CYP7B1: variants seen among roughly 807,000 people sequenced by gnomAD.
The protein encoded by CYP7B1 is cytochrome P450 family 7 subfamily B member 1.
A neutral mutation model predicts 42.7 loss-of-function variants in CYP7B1; 29 were observed. The ratio of observed to expected loss-of-function variants is 0.68; its 90% CI spans 0.51 to 0.93. The LOEUF is 0.93. Ranked by LOEUF, CYP7B1 falls within the 40% of genes least tolerant of loss-of-function variation. CYP7B1 has a pLI of 0.00. For synonymous variants in CYP7B1, 235 were observed against 218.2 expected (o/e 1.08, Z -0.68); for missense variants, 655 against 600.5 (o/e 1.09, Z -0.95).
chr8:64,798,405 G>C (rs979728859), intron 1 of CYP7B1, 61 bp downstream of exon 1: 31 of 1,441,478 alleles, frequency 2.2e-5, no homozygotes, highest in Admixed American at 3.0e-5. Flanking sequence ...CTCGCCATCT[G>C]GGTCGCGCGC....
chr8:64,765,392 T>A (rs1053673799), intron 1 of CYP7B1, among the ~76,000 whole-genome samples: 1 of 152,160 alleles, frequency 6.6e-6, no homozygotes, highest in East Asian at 1.9e-4. Flanking sequence ...ACACCCTCTA[T>A]GAAATGAATT....
At chr8:64,747,974 T>C (rs1272232049) in intron 1 of CYP7B1, among the ~76,000 whole-genome samples, 2 of 152,120 alleles carry the variant, frequency 1.3e-5, no homozygotes, top group Non-Finnish European at 2.9e-5. Flanking sequence ...CCATGACCCA[T>C]TGCAGCACCT....
chr8:64,722,748 G>T (rs1342548469), intron 1 of CYP7B1, among the ~76,000 whole-genome samples: 1 of 106,970 alleles, frequency 9.3e-6, no homozygotes, highest in Non-Finnish European at 1.9e-5. Flanking sequence ...TGCGGCGGGG[G>T]GGGGGGGGCG....
At chr8:64,631,455 T>G (rs1805694245) in intron 1 of CYP7B1, among the ~76,000 whole-genome samples, 1 of 152,046 alleles carries the variant, frequency 6.6e-6, no homozygotes, top group South Asian at 2.1e-4. Flanking sequence ...GACCCAAAAC[T>G]GTAAAACTCC....
intron 1 of CYP7B1, among the ~76,000 whole-genome samples, chr8:64,758,987 C>T (rs1489865630): frequency 6.6e-6 from 1 of 152,184 alleles, no homozygotes. Flanking sequence ...GCATGACAAA[C>T]TCAAAGTGAT....
chr8:64,639,074 CTT>C (rs1271736746), intron 1 of CYP7B1, among the ~76,000 whole-genome samples: 1 of 151,776 alleles, frequency 6.6e-6, no homozygotes, highest in Non-Finnish European at 1.5e-5. Context: ...TTTTCACAGA[CTT>C]TTATACATCT....
intron 1 of CYP7B1, among the ~76,000 whole-genome samples, chr8:64,720,544 G>T (rs983204067): frequency 1.3e-5 from 2 of 152,250 alleles, no homozygotes. Context: ...CAGAGATATT[G>T]TTAATACTCA....
At chr8:64,793,812 T>C (rs1013406738) in intron 1 of CYP7B1, among the ~76,000 whole-genome samples, 2 of 151,996 alleles carry the variant, frequency 1.3e-5, no homozygotes, top group Non-Finnish European at 1.5e-5. Context: ...TAAAGATACA[T>C]ATAAGCATAA....
chr8:64,638,016 A>C (rs762056965), intron 1 of CYP7B1, among the ~76,000 whole-genome samples: 1 of 152,094 alleles, frequency 6.6e-6, no homozygotes, highest in Non-Finnish European at 1.5e-5. Context: ...CTAATTTCCC[A>C]AAGTTCTCTT....
intron 1 of CYP7B1, among the ~76,000 whole-genome samples, chr8:64,741,436 C>T (rs1451888713): frequency 6.6e-6 from 1 of 152,124 alleles, no homozygotes; most frequent in East Asian, 1.9e-4. Flanking sequence ...TCTCCTGCCT[C>T]AGCCTCCCGA....
At chr8:64,672,048 A>T (rs1167636633) in intron 1 of CYP7B1, among the ~76,000 whole-genome samples, 1 of 152,112 alleles carries the variant, frequency 6.6e-6, no homozygotes, top group African/African-American at 2.4e-5. Context: ...TGACATTCTC[A>T]TTACTTTTTT....
At chr8:64,598,428 G>A (rs901077977) in intron 5 of CYP7B1, among the ~76,000 whole-genome samples, 13 of 152,040 alleles carry the variant, frequency 8.6e-5, no homozygotes, top group Admixed American at 4.6e-4. Flanking sequence ...CCTCCTTCAC[G>A]CTGACCAATC....
chr8:64,648,315 T>G (rs112716397), intron 1 of CYP7B1, among the ~76,000 whole-genome samples: 10 of 152,342 alleles, frequency 6.6e-5, no homozygotes, highest in African/African-American at 2.4e-4. Flanking sequence ...AGTCCATGCA[T>G]CTACCCCTTT....
chr8:64,703,057 A>G (rs1230576696), intron 1 of CYP7B1, among the ~76,000 whole-genome samples: 1 of 152,038 alleles, frequency 6.6e-6, no homozygotes, highest in Non-Finnish European at 1.5e-5. Flanking sequence ...AGACTGGAAT[A>G]AGCTGTAAAT....
intron 2 of CYP7B1, among the ~76,000 whole-genome samples, chr8:64,618,579 T>TCTCTCTCA (rs1186412792): frequency 1.3e-5 from 2 of 151,352 alleles, no homozygotes; most frequent in Non-Finnish European, 3.0e-5. Context: ...TTTCTCTCTC[T>TCTCTCTCA]CTCTCTCTCT....
intron 1 of CYP7B1, among the ~76,000 whole-genome samples, chr8:64,795,245 C>T (rs1804686668): frequency 6.6e-6 from 1 of 152,026 alleles, no homozygotes; most frequent in Non-Finnish European, 1.5e-5. Context: ...CTGTATAATC[C>T]CATTTATATG....
intron 1 of CYP7B1, among the ~76,000 whole-genome samples, chr8:64,711,306 T>A (rs1563400955): frequency 1.3e-5 from 2 of 152,146 alleles, no homozygotes; most frequent in African/African-American, 2.4e-5. Flanking sequence ...AACTCACAGC[T>A]GAGTGGAAAT....
intron 4 of CYP7B1, among the ~76,000 whole-genome samples, chr8:64,606,259 A>G (rs904635971): frequency 6.6e-6 from 1 of 152,196 alleles, no homozygotes; most frequent in African/African-American, 2.4e-5. Flanking sequence ...CATGGGCTCT[A>G]CTGCAGATAG....
chr8:64,672,571 T>C (rs948169000), intron 1 of CYP7B1, among the ~76,000 whole-genome samples: 22 of 152,120 alleles, frequency 1.4e-4, no homozygotes, highest in African/African-American at 5.1e-4. Flanking sequence ...TGTGTGTATT[T>C]TTATGAGGGG....
Sources: allele counts gnomAD v4.1 joint callset (sites outside exome capture counted in the v4.1 genomes callset), GRCh38; gene constraint gnomAD v4.1.1; transcripts MANE v1.5; gene names NCBI Gene and HGNC (gene_info 2026-07-23, HGNC 2026-07-21).